The following GSTCD variants were observed in gnomAD, a reference collection of about 807,000 sequenced individuals.
GSTCD encodes the protein glutathione S-transferase C-terminal domain containing, also known as glutathione S-transferase C-terminal domain-containing protein.
Under a neutral mutation model 68.3 loss-of-function variants are expected in GSTCD, and 44 were observed. That is an observed-to-expected ratio of 0.64 (90% CI 0.51 to 0.83). GSTCD has a LOEUF of 0.83. GSTCD is among the 40% of genes least tolerant of loss of function. The probability of loss-of-function intolerance (pLI) is 0.00; values close to 1 mark genes in which losing one functional copy is unlikely to be tolerated. For synonymous variants in GSTCD, 273 were observed against 255.2 expected, an observed-to-expected ratio of 1.07 and a Z score of -0.67; for missense variants, 739 against 735.9, an observed-to-expected ratio of 1.00 and a Z score of -0.05.
chr4:105,728,284 A>G (rs1029732847), intron 4 of GSTCD, among the ~76,000 whole-genome samples: 3 of 152,198 alleles, frequency 2.0e-5, no homozygotes, highest in African/African-American at 7.2e-5. Context: ...GATAAATTAT[A>G]TGGTATTAAT....
chr4:105,804,736 A>G (rs535437025), intron 5 of GSTCD, among the ~76,000 whole-genome samples: 4 of 152,228 alleles, frequency 2.6e-5, no homozygotes, highest in African/African-American at 9.6e-5. Flanking sequence ...GGCACAGATC[A>G]TCCCATCACC....
chr4:105,735,235 G>C (rs1231466852), intron 5 of GSTCD, among the ~76,000 whole-genome samples: 1 of 152,142 alleles, frequency 6.6e-6, no homozygotes, highest in Non-Finnish European at 1.5e-5. Context: ...GTCTGCAGAG[G>C]TTTCTGCAGA....
intron 10 of GSTCD, among the ~76,000 whole-genome samples, chr4:105,840,799 C>A (rs545371789): frequency 6.6e-6 from 1 of 152,176 alleles, no homozygotes; most frequent in Admixed American, 6.5e-5. Flanking sequence ...CAGGTCCTTA[C>A]CTCAGGCCGT....
chr4:105,834,543 C>G lies in GSTCD; in HGVS notation c.1613C>G (p.Pro538Arg). 6.2e-7 allele frequency: 1 copy of G among 1,614,060 alleles called. No individual in the cohort carries two copies. The highest frequency in any genetic ancestry group is 8.5e-7 in the Non-Finnish European group (1 of 1,179,962). Residue 538 changes from proline to arginine, a missense_variant, in exon 9 of 12, where the codon CCT becomes CGT. Coordinates refer to ENST00000515279, the MANE Select transcript of GSTCD (RefSeq NM_001370181.1). ...ACACGGGCTTCCTTCGTCACATGCC[C>G]TTGCTGTTATGGTTTCATTCAGAAC... ...IKTRASFVTC[P>R]CCYGFIQNTS...
chr4:105,725,372 G>A (rs1262449970), intron 3 of GSTCD, among the ~76,000 whole-genome samples: 1 of 152,092 alleles, frequency 6.6e-6, no homozygotes, highest in Admixed American at 6.6e-5. Context: ...TTACTGGATT[G>A]TATGGTAAGA....
At chr4:105,750,525 A>T (rs919493497) in intron 5 of GSTCD, among the ~76,000 whole-genome samples, 1 of 152,038 alleles carries the variant, frequency 6.6e-6, no homozygotes, top group Non-Finnish European at 1.5e-5. Context: ...GAGAAACTGG[A>T]TCACACATAC....
chr4:105,758,194 A>C (rs1734264678), intron 5 of GSTCD, among the ~76,000 whole-genome samples: 1 of 152,244 alleles, frequency 6.6e-6, no homozygotes, highest in Non-Finnish European at 1.5e-5. Flanking sequence ...TTGAATATAA[A>C]GTTGCCCTCA....
At chr4:105,756,449 A>G (rs1578441357) in intron 5 of GSTCD, among the ~76,000 whole-genome samples, 1 of 151,154 alleles carries the variant, frequency 6.6e-6, no homozygotes, top group Middle Eastern at 3.4e-3. Context: ...ATCCCAAGGA[A>G]TTTAGGAAAT....
At chr4:105,799,501 C>T (rs2553469) in intron 5 of GSTCD, among the ~76,000 whole-genome samples, 139,239 of 152,122 alleles carry the variant, frequency 0.92, 63,742 homozygotes, top group East Asian at 0.96. Flanking sequence ...TGGCCTAATT[C>T]CAGTATTTTT....
intron 5 of GSTCD, among the ~76,000 whole-genome samples, chr4:105,801,711 T>G (rs1215231974): frequency 2.0e-5 from 3 of 152,032 alleles, no homozygotes; most frequent in Non-Finnish European, 4.4e-5. Flanking sequence ...AATGGGTAAT[T>G]ATGTTGGGAA....
chr4:105,728,629 G>GAATATC (rs917615173), intron 4 of GSTCD, among the ~76,000 whole-genome samples: 2 of 149,230 alleles, frequency 1.3e-5, no homozygotes, highest in Non-Finnish European at 3.0e-5. Context: ...ATTTGAATAG[G>GAATATC]TTATTCCTAA....
intron 5 of GSTCD, among the ~76,000 whole-genome samples, chr4:105,800,887 A>G (rs190420824): frequency 1.3e-5 from 2 of 152,250 alleles, no homozygotes; most frequent in East Asian, 3.9e-4. Flanking sequence ...AAGACATCTT[A>G]TTTAATATAT....
chr4:105,819,907 T>A (rs1319684682), intron 5 of GSTCD, among the ~76,000 whole-genome samples: 1 of 151,734 alleles, frequency 6.6e-6, no homozygotes, highest in African/African-American at 2.4e-5. Flanking sequence ...AGAATACTGT[T>A]GGTGTGCTAT....
At chr4:105,743,093 G>T (rs958232690) in intron 5 of GSTCD, among the ~76,000 whole-genome samples, 2 of 151,858 alleles carry the variant, frequency 1.3e-5, no homozygotes, top group Non-Finnish European at 2.9e-5. Context: ...GGGACTACAG[G>T]CGCCCGCCAC....
chr4:105,787,857 G>A (rs1314523252), intron 5 of GSTCD, among the ~76,000 whole-genome samples: 1 of 151,890 alleles, frequency 6.6e-6, no homozygotes. Context: ...CGATTTTTTG[G>A]TATCATTATT....
intron 3 of GSTCD, among the ~76,000 whole-genome samples, chr4:105,722,230 T>C (rs1732880203): frequency 6.6e-6 from 1 of 152,054 alleles, no homozygotes; most frequent in Non-Finnish European, 1.5e-5. Flanking sequence ...ATTCCTCTTT[T>C]AGAAATTGAT....
intron 10 of GSTCD, 81 bp from the exon 11 acceptor site, chr4:105,841,984 G>C (rs1724361545): frequency 5.3e-6 from 5 of 950,582 alleles, no homozygotes; most frequent in Non-Finnish European, 8.5e-6. Flanking sequence ...AGAAAAATGA[G>C]GTAGTTTTTT....
At chr4:105,811,779 A>G (rs1395902899) in intron 5 of GSTCD, among the ~76,000 whole-genome samples, 2 of 152,166 alleles carry the variant, frequency 1.3e-5, no homozygotes, top group East Asian at 3.8e-4. Context: ...TGCATTTTAG[A>G]AGGAATGGGC....
chr4:105,748,271 A>T (rs1447419763), intron 5 of GSTCD, among the ~76,000 whole-genome samples: 1 of 152,116 alleles, frequency 6.6e-6, no homozygotes, highest in Non-Finnish European at 1.5e-5. Context: ...AAGAAAAAAA[A>T]ATACTAAAAG....
Sources: allele counts gnomAD v4.1 joint callset (sites outside exome capture counted in the v4.1 genomes callset), GRCh38; gene constraint gnomAD v4.1.1; transcripts MANE v1.5; gene names NCBI Gene and HGNC (gene_info 2026-07-23, HGNC 2026-07-21).